The following TFDP1 variants were observed in gnomAD, a reference collection of about 807,000 sequenced individuals.
TFDP1 encodes DRTF1-polypeptide 1.
In TFDP1, 6 loss-of-function variants were observed where a neutral mutation model predicts 48.0. The observed-to-expected ratio is 0.13, with a 90% confidence interval of 0.07 to 0.25. The LOEUF (loss-of-function observed/expected upper bound fraction) is 0.25, where lower values mean the gene tolerates loss of function less well. Among genes scored for constraint, TFDP1 ranks in the 10% least tolerant of loss-of-function variants. The probability of loss-of-function intolerance (pLI) is 1.00; values close to 1 mark genes in which losing one functional copy is unlikely to be tolerated. For missense variants in TFDP1, 335 were observed against 543.0 expected (o/e 0.62, Z 3.81); for synonymous variants, 201 against 211.6 (o/e 0.95, Z 0.44).
Position 113,631,742 on chromosome 13 carries a change from C to T in TFDP1, c.306C>T (p.Ala102=), listed in dbSNP as rs188801002. 248 of 1,614,010 alleles carry T rather than the reference C, an allele frequency of 1.5e-4. No homozygotes were observed. Among genetic ancestry groups the T allele is most frequent in the Admixed American group, 1.3e-3 (79 of 59,982 alleles). ...NQPSDSSPWS[A]GKRNRKGEKN... is the part of the protein sequence containing the mutation. ...CTTCCGACTCCTCACCTTGGTCTGCCGGGTGAGCACTTCCCTCTGGACCCT... is the reference window on the plus strand; with the variant it reads ...CTTCCGACTCCTCACCTTGGTCTGCTGGGTGAGCACTTCCCTCTGGACCCT... The change falls in exon 5 of 12, where the codon GCC becomes GCT. Residue 102 remains alanine (A), a splice_region_variant and synonymous_variant. Transcript: ENST00000375370.
intron 11 of TFDP1, 47 bp downstream of exon 11, chr13:113,637,943 C>A: frequency 6.3e-7 from 1 of 1,598,020 alleles, no homozygotes; most frequent in Non-Finnish European, 8.5e-7. Context: ...GGGCCTCCCC[C>A]GGGGTCCAGG....
At chr13:113,635,600 G>T (rs1299859257) in intron 8 of TFDP1, among the ~76,000 whole-genome samples, 1 of 152,192 alleles carries the variant, frequency 6.6e-6, no homozygotes, top group Non-Finnish European at 1.5e-5. Flanking sequence ...AAAGTCCACG[G>T]CACGGCACCC....
rs2049211305 is a variant in TFDP1 at position 113,627,432 on chromosome 13, G to T, written c.186+4146G>T. ...TGTGTCCCAGAAGTCGGCATCTGTGGTCGCAGTGGCCTTTCCTTTGCAGCT... is the reference window on the plus strand; with the variant it reads ...TGTGTCCCAGAAGTCGGCATCTGTGTTCGCAGTGGCCTTTCCTTTGCAGCT... On this transcript the variant is annotated intron_variant, in intron 4 of 11. Transcript: ENST00000375370. The surrounding 1 kb of genome is among the most constrained non-coding windows in gnomAD (Gnocchi z 4.1). 6.6e-6 allele frequency among the ~76,000 whole-genome samples: 1 copy of T among 152,214 alleles called. No homozygotes were observed. The highest frequency in any genetic ancestry group is 2.4e-5 in the African/African-American group (1 of 41,460).
At chr13:113,624,132 C>T (rs2049061660) in intron 4 of TFDP1, among the ~76,000 whole-genome samples, 1 of 152,162 alleles carries the variant, frequency 6.6e-6, no homozygotes, top group South Asian at 2.1e-4. Context: ...CTGCCCCAGC[C>T]CTGTTCCTGC....
rs976291866 is a variant in TFDP1 at position 113,596,075 on chromosome 13, C to G, written c.12+10226C>G. Among the ~76,000 whole-genome samples, 4 of 151,946 alleles carry G rather than the reference C, an allele frequency of 2.6e-5. No homozygotes were observed. The South Asian group carries it at 6.2e-4, about 24-fold the overall frequency. ...CCCGCCTGGGCGACAGAGTGAGACT[C>G]CGTCTCAAAAAAAAAAAGTATTAAT... On this transcript the variant is annotated intron_variant, in intron 2 of 11. Coordinates refer to ENST00000375370, the MANE Select transcript of TFDP1 (RefSeq NM_007111.5).
chr13:113,622,239 C>T (rs762801480), intron 3 of TFDP1, among the ~76,000 whole-genome samples: 11 of 152,202 alleles, frequency 7.2e-5, no homozygotes, highest in South Asian at 2.1e-4. Flanking sequence ...AGTGGTCCCC[C>T]GGGCCCAGCT....
intron 10 of TFDP1, among the ~76,000 whole-genome samples, chr13:113,636,958 G>C (rs1260985344): frequency 6.6e-6 from 1 of 152,204 alleles, no homozygotes; most frequent in East Asian, 1.9e-4. Context: ...TATGTGGTTT[G>C]TGTGAGGAGG....
chr13:113,585,643 C>T (rs1328800837), intron 1 of TFDP1, 131 bp from the exon 2 acceptor site: 1 of 548,600 alleles, frequency 1.8e-6, no homozygotes, highest in Non-Finnish European at 3.2e-6. Flanking sequence ...TGGCCAGCTC[C>T]GCTCTCAGGA....
chr13:113,588,220 G>A (rs1213925842), intron 2 of TFDP1, among the ~76,000 whole-genome samples: 1 of 152,228 alleles, frequency 6.6e-6, no homozygotes, highest in Admixed American at 6.5e-5. Flanking sequence ...CCTTTATGCT[G>A]GGGGAAAGCT....
At chr13:113,620,391 AGT>A (rs2048968816) in intron 3 of TFDP1, among the ~76,000 whole-genome samples, 1 of 152,218 alleles carries the variant, frequency 6.6e-6, no homozygotes, top group African/African-American at 2.4e-5. Context: ...GCTGATGGAG[AGT>A]GACAGTGCCA....
At chr13:113,639,753 T>C (rs2140674688) in intron 11 of TFDP1, among the ~76,000 whole-genome samples, 1 of 152,312 alleles carries the variant, frequency 6.6e-6, no homozygotes, top group Middle Eastern at 3.4e-3. Context: ...TCTTTTTTCC[T>C]GTTGCTGGTT....
At position 113,635,782 on chromosome 13, in the gene TFDP1, C is replaced by T. The variant is rs561105633; in HGVS notation, c.688-195C>T. On this transcript the variant is annotated intron_variant, in intron 8 of 11. Coordinates refer to ENST00000375370, the MANE Select transcript of TFDP1 (RefSeq NM_007111.5). Reference sequence around the variant, plus strand: ...GCCCGCTTTCCCTTAGTTCTCCCCTCAGGATCCCGTTTCCTGAGCGCTTTT... The same window carrying T: ...GCCCGCTTTCCCTTAGTTCTCCCCTTAGGATCCCGTTTCCTGAGCGCTTTT... 2.6e-5 allele frequency among the ~76,000 whole-genome samples: 4 copies of T among 152,290 alleles called. No homozygotes were observed. In the South Asian group the frequency reaches 8.3e-4, roughly 32 times the overall value.
At chr13:113,606,019 G>C (rs2048559168) in intron 2 of TFDP1, among the ~76,000 whole-genome samples, 1 of 145,706 alleles carries the variant, frequency 6.9e-6, no homozygotes, top group Non-Finnish European at 1.5e-5. Context: ...GATCCTGTGG[G>C]AAGGCGGCGC....
intron 4 of TFDP1, among the ~76,000 whole-genome samples, chr13:113,626,565 G>C (rs2049185085): frequency 6.6e-6 from 1 of 151,246 alleles, no homozygotes; most frequent in Non-Finnish European, 1.5e-5. Flanking sequence ...CAGCTGTCCT[G>C]ATTGAGCGGT....
intron 2 of TFDP1, among the ~76,000 whole-genome samples, chr13:113,600,634 C>T (rs2048397802): frequency 6.8e-6 from 1 of 147,704 alleles, no homozygotes; most frequent in Non-Finnish European, 1.5e-5. Flanking sequence ...GCTCCAGGAC[C>T]ATAAGAGAGA....
chr13:113,629,632 T>C (rs763780966), intron 4 of TFDP1, among the ~76,000 whole-genome samples: 7 of 152,236 alleles, frequency 4.6e-5, no homozygotes, highest in South Asian at 2.1e-4. Flanking sequence ...ATGCGTGATC[T>C]GAGCACGTGT....
At chr13:113,596,316 C>T (rs1030972401) in intron 2 of TFDP1, among the ~76,000 whole-genome samples, 2 of 152,188 alleles carry the variant, frequency 1.3e-5, no homozygotes, top group Non-Finnish European at 2.9e-5. Flanking sequence ...ATATGTCTTA[C>T]CCAGTTATTG....
intron 9 of TFDP1, 38 bp from the exon 10 acceptor site, chr13:113,636,496 G>A: frequency 6.2e-7 from 1 of 1,607,350 alleles, no homozygotes. Context: ...GTCTCCGCTG[G>A]GAGACCCTGT....
chr13:113,587,482 CTT>C (rs34556944), intron 2 of TFDP1, among the ~76,000 whole-genome samples: 149 of 125,466 alleles, frequency 1.2e-3, no homozygotes, highest in African/African-American at 4.4e-3. Flanking sequence ...TTCGCTAGCT[CTT>C]TTTTTTTTTT....
Sources: allele counts gnomAD v4.1 joint callset (sites outside exome capture counted in the v4.1 genomes callset), GRCh38; gene constraint gnomAD v4.1.1; non-coding constraint Gnocchi (gnomAD v3.1); transcripts MANE v1.5; gene names NCBI Gene and HGNC (gene_info 2026-07-23, HGNC 2026-07-21).